Variants in PLCB4 observed in about 807,000 individuals in gnomAD.
PLCB4 encodes phospholipase C beta 4.
PLCB4 carries 77 observed loss-of-function variants against 178.8 expected under a neutral mutation model. The ratio of observed to expected loss-of-function variants is 0.43; its 90% CI spans 0.36 to 0.52. The LOEUF is 0.52. Among genes scored for constraint, PLCB4 ranks in the 20% least tolerant of loss-of-function variants. The probability of loss-of-function intolerance (pLI) is 0.00; values close to 1 mark genes in which losing one functional copy is unlikely to be tolerated. For synonymous variants in PLCB4, 496 were observed against 490.8 expected, an observed-to-expected ratio of 1.01 and a Z score of -0.14; for missense variants, 1,024 against 1,453.4, an observed-to-expected ratio of 0.70 and a Z score of 4.80.
In PLCB4 at chr20:9,405,351, A is replaced by G. The variant is rs1474805211; in HGVS notation, c.1647+3A>G. The G allele has an allele frequency of 6.6e-7, 1 of 1,515,898 alleles. No homozygotes were observed. Among genetic ancestry groups the G allele is most frequent in the Non-Finnish European group, 9.0e-7 (1 of 1,109,940 alleles). The allele number at this position is 1,515,898 out of a possible 1,614,324, so 93.9% of individuals were successfully genotyped here. On this transcript the variant is annotated splice_donor_region_variant and intron_variant, in intron 21 of 39. Coordinates refer to ENST00000378473, the MANE Select transcript of PLCB4 (RefSeq NM_001377142.1). ...TTGAACATGAAAACAACAAAAAGGT[A>G]ACAAAATAATTCCCTTGCACATTTT...
chr20:9,356,767 G>T (rs1024320758), intron 7 of PLCB4, among the ~76,000 whole-genome samples: 14 of 152,076 alleles, frequency 9.2e-5, no homozygotes, highest in African/African-American at 3.4e-4. Context: ...AGCAATTTAG[G>T]CACCTTGAAA....
intron 2 of PLCB4, among the ~76,000 whole-genome samples, chr20:9,100,711 C>G (rs911347112): frequency 2.0e-5 from 3 of 152,134 alleles, no homozygotes; most frequent in Non-Finnish European, 2.9e-5. Flanking sequence ...AATAATCACT[C>G]TTTTTCTGAT....
At chr20:9,227,191 A>G (rs1388156955) in intron 3 of PLCB4, among the ~76,000 whole-genome samples, 1 of 148,622 alleles carries the variant, frequency 6.7e-6, no homozygotes, top group African/African-American at 2.5e-5. Context: ...TTTTTTTTAT[A>G]TGTACTGGGC....
chr20:9,310,724 A>T (rs6086833), intron 4 of PLCB4, among the ~76,000 whole-genome samples: 7,829 of 152,250 alleles, frequency 0.051, 287 homozygotes, highest in Non-Finnish European at 0.077. Context: ...AAAATAAAAA[A>T]AAATAAATAA....
At chr20:9,259,807 A>T (rs1339001703) in intron 3 of PLCB4, among the ~76,000 whole-genome samples, 1 of 152,076 alleles carries the variant, frequency 6.6e-6, no homozygotes, top group Non-Finnish European at 1.5e-5. Context: ...CTTAGTATGA[A>T]AAAAAAGAAT....
intron 1 of PLCB4, among the ~76,000 whole-genome samples, chr20:9,083,325 G>C (rs1366154293): frequency 6.6e-6 from 1 of 151,822 alleles, no homozygotes; most frequent in Non-Finnish European, 1.5e-5. Flanking sequence ...ACGAGACACA[G>C]GGTATGAGAC....
intron 38 of PLCB4, among the ~76,000 whole-genome samples, chr20:9,476,344 A>C (rs1278779257): frequency 1.3e-5 from 2 of 151,858 alleles, no homozygotes; most frequent in Non-Finnish European, 1.5e-5. Context: ...GACATGTACC[A>C]TTTCAAACAT....
intron 2 of PLCB4, among the ~76,000 whole-genome samples, chr20:9,203,619 C>A (rs916373596): frequency 2.6e-5 from 4 of 151,986 alleles, no homozygotes; most frequent in Non-Finnish European, 5.9e-5. Context: ...GTGTATTATT[C>A]CATTTAACTT....
At chr20:9,089,622 G>T (rs962094191) in intron 1 of PLCB4, among the ~76,000 whole-genome samples, 8 of 152,152 alleles carry the variant, frequency 5.3e-5, no homozygotes, top group East Asian at 1.9e-4. Context: ...GCTAGACTTT[G>T]TATGTAGGAA....
chr20:9,370,963 GT>G (rs1216206688), intron 9 of PLCB4: 1 of 398,450 alleles, frequency 2.5e-6, no homozygotes, highest in East Asian at 3.9e-5. Context: ...CTTGCCCCTT[GT>G]TCTCCCAAGC....
chr20:9,100,576 A>G (rs566548924), intron 2 of PLCB4, among the ~76,000 whole-genome samples: 5 of 152,304 alleles, frequency 3.3e-5, no homozygotes, highest in Middle Eastern at 3.4e-3. Context: ...GAATACATAT[A>G]TCAGAATTTC....
chr20:9,294,621 G>A (rs1296005079), intron 3 of PLCB4, among the ~76,000 whole-genome samples: 1 of 152,108 alleles, frequency 6.6e-6, no homozygotes, highest in Non-Finnish European at 1.5e-5. Context: ...GGCTGGATAA[G>A]GATTTAAAGA....
intron 2 of PLCB4, among the ~76,000 whole-genome samples, chr20:9,184,628 G>T (rs1400429351): frequency 1.4e-5 from 2 of 146,790 alleles, no homozygotes; most frequent in Non-Finnish European, 3.0e-5. Flanking sequence ...AAAACCTCTG[G>T]TTTTTATGAT....
At chr20:9,210,010 C>T (rs1472628115) in intron 2 of PLCB4, among the ~76,000 whole-genome samples, 3 of 144,246 alleles carry the variant, frequency 2.1e-5, no homozygotes, top group African/African-American at 5.2e-5. Context: ...AACCCAGAAA[C>T]GATGTCTGGA....
intron 3 of PLCB4, among the ~76,000 whole-genome samples, chr20:9,299,073 G>A (rs1004441317): frequency 2.6e-5 from 4 of 151,996 alleles, no homozygotes; most frequent in Admixed American, 2.6e-4. Context: ...TCCTTACTAA[G>A]TAATGAATAA....
At chr20:9,085,670 TG>T (rs2090375810) in intron 1 of PLCB4, among the ~76,000 whole-genome samples, 1 of 152,204 alleles carries the variant, frequency 6.6e-6, no homozygotes, top group Non-Finnish European at 1.5e-5. Context: ...CCTACTTTCC[TG>T]GGGTGAAATA....
chr20:9,440,312 C>T (rs2042031541), intron 30 of PLCB4, among the ~76,000 whole-genome samples: 1 of 152,208 alleles, frequency 6.6e-6, no homozygotes, highest in Non-Finnish European at 1.5e-5. Flanking sequence ...TCATCTAACA[C>T]AAAGCCTATT....
At chr20:9,222,764 C>T (rs748953125) in intron 3 of PLCB4, among the ~76,000 whole-genome samples, 2 of 152,094 alleles carry the variant, frequency 1.3e-5, no homozygotes, top group South Asian at 2.1e-4. Flanking sequence ...ACATTTGGCT[C>T]GTGGTACCAT....
At chr20:9,116,411 T>C (rs1467933293) in intron 2 of PLCB4, among the ~76,000 whole-genome samples, 1 of 152,156 alleles carries the variant, frequency 6.6e-6, no homozygotes. Flanking sequence ...TGCAGAGTAT[T>C]GTTGTGTATT....
Sources: allele counts gnomAD v4.1 joint callset (sites outside exome capture counted in the v4.1 genomes callset), GRCh38; gene constraint gnomAD v4.1.1; transcripts MANE v1.5; gene names NCBI Gene and HGNC (gene_info 2026-07-23, HGNC 2026-07-21).